Variants in ADRA1B observed in about 807,000 individuals in gnomAD.
ADRA1B encodes adrenoceptor alpha 1B.
Under a neutral mutation model 17.9 loss-of-function variants are expected in ADRA1B, and 17 were observed. The ratio of observed to expected loss-of-function variants is 0.95; its 90% CI spans 0.65 to 1.42. The LOEUF (loss-of-function observed/expected upper bound fraction) is 1.42, where lower values mean the gene tolerates loss of function less well. Among genes scored for constraint, ADRA1B ranks in the 40% most tolerant of loss-of-function variants. The probability of loss-of-function intolerance (pLI) is 0.00; values close to 1 mark genes in which losing one functional copy is unlikely to be tolerated. For synonymous variants in ADRA1B, 366 were observed against 327.6 expected (o/e 1.12, Z -1.27); for missense variants, 681 against 722.1 (o/e 0.94, Z 0.65).
chr5:159,891,746 T>G (rs1402006777), intron 1 of ADRA1B, among the ~76,000 whole-genome samples: 3 of 152,182 alleles, frequency 2.0e-5, no homozygotes, highest in Non-Finnish European at 4.4e-5. Context: ...TGACTCTGCA[T>G]GCAACAAGGG....
At chr5:159,896,792 G>A (rs539412263) in intron 1 of ADRA1B, among the ~76,000 whole-genome samples, 1 of 152,104 alleles carries the variant, frequency 6.6e-6, no homozygotes, top group Non-Finnish European at 1.5e-5. Flanking sequence ...AGCACAGGGG[G>A]AAAACAAATC....
intron 1 of ADRA1B, among the ~76,000 whole-genome samples, chr5:159,905,317 T>C (rs1236042419): frequency 1.3e-5 from 2 of 152,188 alleles, no homozygotes; most frequent in Non-Finnish European, 2.9e-5. Context: ...TCCTACACAA[T>C]TTTGCATGCT....
chr5:159,902,786 A>C (rs1581025170), intron 1 of ADRA1B, among the ~76,000 whole-genome samples: 1 of 152,216 alleles, frequency 6.6e-6, no homozygotes, highest in African/African-American at 2.4e-5. Context: ...CCCATCTATA[A>C]AATGTGGAAA....
chr5:159,946,687 T>C (rs1755282628), intron 1 of ADRA1B, among the ~76,000 whole-genome samples: 1 of 152,266 alleles, frequency 6.6e-6, no homozygotes, highest in Non-Finnish European at 1.5e-5. Context: ...ATGTATATTA[T>C]GAAAACAATT....
At chr5:159,899,910 G>C (rs990441756) in intron 1 of ADRA1B, among the ~76,000 whole-genome samples, 2 of 152,212 alleles carry the variant, frequency 1.3e-5, no homozygotes, top group Admixed American at 6.5e-5. Flanking sequence ...TCTGCCAAGA[G>C]ATTTATCTGG....
chr5:159,870,058 A>G (rs1247492386), intron 1 of ADRA1B: 1 of 152,220 alleles, frequency 6.6e-6, no homozygotes, highest in Non-Finnish European at 1.5e-5. Context: ...AAGACAGTAA[A>G]CAAAAAGTCA....
upstream of ADRA1B, among the ~76,000 whole-genome samples, chr5:159,912,372 A>C (rs1299315240): frequency 6.6e-6 from 1 of 152,224 alleles, no homozygotes; most frequent in African/African-American, 2.4e-5. Flanking sequence ...TAAATGACAG[A>C]AGTGCAATTA....
At chr5:159,918,002 G>T in intron 1 of ADRA1B, 148 bp downstream of exon 1, 1 of 792,394 alleles carries the variant, frequency 1.3e-6, no homozygotes, top group Non-Finnish European at 2.0e-6. Flanking sequence ...TCTGCAAAGG[G>T]TTTGCAGATT....
At chr5:159,893,221 G>A (rs1434507388) in intron 1 of ADRA1B, among the ~76,000 whole-genome samples, 1 of 28,210 alleles carries the variant, frequency 3.5e-5, no homozygotes, top group Non-Finnish European at 7.9e-5. Flanking sequence ...TTCAGAGCCT[G>A]ACACATTAGC....
chr5:159,918,248 T>A (rs1754385966), intron 1 of ADRA1B, among the ~76,000 whole-genome samples: 1 of 152,228 alleles, frequency 6.6e-6, no homozygotes, highest in South Asian at 2.1e-4. Context: ...AGTTTGTAGT[T>A]ACTGCAGACG....
At chr5:159,948,271 A>T in intron 1 of ADRA1B, 1 of 985,442 alleles carries the variant, frequency 1.0e-6, no homozygotes, top group South Asian at 4.7e-5. Context: ...AAGAAGCTGG[A>T]CCTTTTCACA....
chr5:159,911,479 G>GCCCCTGGGTGACTTTCAA (rs1183646720), intron 1 of ADRA1B, among the ~76,000 whole-genome samples: 1 of 152,134 alleles, frequency 6.6e-6, no homozygotes, highest in East Asian at 1.9e-4. Flanking sequence ...TGTGCATTCA[G>GCCCCTGGGTGACTTTCAA]CCCCTGGGTG....
intron 1 of ADRA1B, among the ~76,000 whole-genome samples, chr5:159,945,623 T>C (rs1446085337): frequency 6.6e-6 from 1 of 152,162 alleles, no homozygotes; most frequent in Non-Finnish European, 1.5e-5. Context: ...GAAGCATGTA[T>C]ATCCTGTGAG....
chr5:159,887,412 A>G (rs1391342944), intron 1 of ADRA1B, among the ~76,000 whole-genome samples: 1 of 152,216 alleles, frequency 6.6e-6, no homozygotes. Flanking sequence ...TATTATAATC[A>G]TCTTATCAGA....
chr5:159,914,071 G>A (rs985371121), upstream of ADRA1B, among the ~76,000 whole-genome samples: 3 of 152,162 alleles, frequency 2.0e-5, no homozygotes, highest in African/African-American at 4.8e-5. Context: ...CCCCTACCCT[G>A]GAAGATGCAT....
At chr5:159,892,399 G>T (rs564463791) in intron 1 of ADRA1B, among the ~76,000 whole-genome samples, 2,573 of 152,206 alleles carry the variant, frequency 0.017, 65 homozygotes, top group African/African-American at 0.059. Context: ...AACATGTGCC[G>T]TGGTGGTTTG....
chr5:159,938,421 G>A (rs555847545), intron 1 of ADRA1B, among the ~76,000 whole-genome samples: 1 of 152,312 alleles, frequency 6.6e-6, no homozygotes, highest in South Asian at 2.1e-4. Context: ...AGACCACTGG[G>A]GAGAGATTTC....
chr5:159,904,210 T>C (rs1754133658), intron 1 of ADRA1B, among the ~76,000 whole-genome samples: 1 of 152,192 alleles, frequency 6.6e-6, no homozygotes, highest in South Asian at 2.1e-4. Context: ...GTCTGGACAT[T>C]AGAGACCTCA....
intron 1 of ADRA1B, among the ~76,000 whole-genome samples, chr5:159,876,242 T>C (rs574483278): frequency 2.0e-4 from 30 of 152,152 alleles, no homozygotes; most frequent in Non-Finnish European, 3.4e-4. Flanking sequence ...TTTAAAAAAG[T>C]CTACAAGTTG....
Sources: allele counts gnomAD v4.1 joint callset (sites outside exome capture counted in the v4.1 genomes callset), GRCh38; gene constraint gnomAD v4.1.1; transcripts MANE v1.5; gene names NCBI Gene and HGNC (gene_info 2026-07-23, HGNC 2026-07-21).